TG: variants seen among roughly 807,000 people sequenced by gnomAD.
The protein encoded by TG is thyroglobulin.
A neutral mutation model predicts 324.7 loss-of-function variants in TG; 270 were observed. The ratio of observed to expected loss-of-function variants is 0.83; its 90% CI spans 0.75 to 0.92. The LOEUF is 0.92. Among genes scored for constraint, TG ranks in the 40% least tolerant of loss-of-function variants. The pLI is 0.00. For synonymous variants in TG, 1,401 were observed against 1,327.0 expected, an observed-to-expected ratio of 1.06 and a Z score of -1.21; for missense variants, 3,591 against 3,456.4, an observed-to-expected ratio of 1.04 and a Z score of -0.98.
Position 132,913,057 on chromosome 8 carries a change from G to C in TG, c.4170G>C (p.Leu1390Phe), listed in dbSNP as rs776998417. The change falls in exon 20 of 48, where the codon TTG becomes TTC. Residue 1390 changes from leucine (L) to phenylalanine (F), a missense_variant. By Grantham distance (22) the Leu-to-Phe change is conservative. Transcript: ENST00000220616. The part of the protein sequence containing the change: ...LPDLHDIERA[L>F]VGKDLLGRFT... ...TCCTGTGTCTTACAGAGAGAGCCTT[G>C]GTGGGCAAGGATCTCCTTGGGCGCT... 12 of 1,613,994 alleles carry C rather than the reference G, an allele frequency of 7.4e-6. No individual in the cohort carries two copies. Among genetic ancestry groups the C allele is most frequent in the South Asian group, 2.2e-5 (2 of 91,066 alleles).
intron 41 of TG, among the ~76,000 whole-genome samples, chr8:133,065,361 C>T (rs1842900137): frequency 6.6e-6 from 1 of 152,242 alleles, no homozygotes. Context: ...GTCTGCCTGG[C>T]TCTAAAACCT....
At chr8:132,988,102 A>ACACACACG (rs1831819105) in intron 35 of TG, among the ~76,000 whole-genome samples, 1 of 149,184 alleles carries the variant, frequency 6.7e-6, no homozygotes, top group African/African-American at 2.5e-5. Flanking sequence ...ACACACACAC[A>ACACACACG]CGAAATGAAG....
At chr8:132,934,151 G>C (rs889456993) in intron 24 of TG, among the ~76,000 whole-genome samples, 3 of 152,136 alleles carry the variant, frequency 2.0e-5, no homozygotes, top group African/African-American at 7.2e-5. Context: ...TGGCCAACAT[G>C]GAGAAACCCT....
chr8:133,124,038 C>T (rs1241953500), intron 45 of TG, among the ~76,000 whole-genome samples: 1 of 152,222 alleles, frequency 6.6e-6, no homozygotes, highest in Non-Finnish European at 1.5e-5. Flanking sequence ...TGGAGATCAA[C>T]AGGTCCTTAG....
chr8:133,089,923 C>T (rs1465091864), intron 41 of TG: 2 of 152,166 alleles, frequency 1.3e-5, no homozygotes, highest in Admixed American at 6.5e-5. Flanking sequence ...TCTGGGCCAC[C>T]CTAGTGCCCA....
At chr8:133,036,406 T>C (rs1305442181) in intron 41 of TG, among the ~76,000 whole-genome samples, 1 of 152,196 alleles carries the variant, frequency 6.6e-6, no homozygotes, top group Admixed American at 6.5e-5. Flanking sequence ...AAGAAATTCT[T>C]GGAAGAACAA....
chr8:133,042,429 G>C (rs1358755114), intron 41 of TG, among the ~76,000 whole-genome samples: 1 of 151,740 alleles, frequency 6.6e-6, no homozygotes, highest in East Asian at 1.9e-4. Context: ...CATGCACTCT[G>C]TTCTCTCAGT....
At chr8:133,101,472 G>A (rs575449268) in intron 43 of TG, among the ~76,000 whole-genome samples, 3 of 152,294 alleles carry the variant, frequency 2.0e-5, no homozygotes, top group East Asian at 1.9e-4. Context: ...GGCAGGTTCT[G>A]GAGGGCCTCA....
At position 132,969,580 on chromosome 8, in the gene TG, TGTGTCTC is replaced by T; in HGVS notation, c.5975+12_5975+18del. 1 of 1,481,164 alleles carries T rather than the reference TGTGTCTC, an allele frequency of 6.8e-7. No homozygotes were observed. The highest frequency in any genetic ancestry group is 9.4e-7 in the Non-Finnish European group (1 of 1,058,986). 91.8% of individuals were successfully genotyped at this position (1,481,164 alleles called of 1,614,324 possible). ...ATCTATTTCTAATGGGTAAGCTACT[TGTGTCTC>T]ACCCCTAATGTTTATTATGAATAAT... On this transcript the variant is annotated intron_variant, in intron 32 of 47. Coordinates refer to ENST00000220616, the MANE Select transcript of TG (RefSeq NM_003235.5).
Position 133,017,778 on chromosome 8 carries a change from G to T in TG, c.6563G>T (p.Gly2188Val), listed in dbSNP as rs746987440. 1 of 1,614,054 alleles carries T rather than the reference G, an allele frequency of 6.2e-7. No individual in the cohort carries two copies. The highest frequency in any genetic ancestry group is 1.1e-5 in the South Asian group (1 of 91,066). Residue 2188 changes from glycine (G) to valine (V), a missense_variant and splice_region_variant, in exon 38 of 48, where the codon GGA (glycine) becomes GTA (valine). Gly to Val is a moderately radical substitution (Grantham distance 109). Coordinates refer to ENST00000220616, the MANE Select transcript of TG (RefSeq NM_003235.5). ...EEATHIYRKP[G>V]ISLLSYEASV... The stretch of plus-strand genomic sequence containing the variant: ...CCCTTTCTCTTCCCTTTCCCAACAG[G>T]AATCTCTCTGCTCAGCTATGAGGCA...
intron 15 of TG, 40 bp from the exon 16 acceptor site, chr8:132,901,313 G>A: frequency 1.2e-6 from 2 of 1,610,998 alleles, no homozygotes; most frequent in Non-Finnish European, 1.7e-6. Context: ...CAGGGAGTGG[G>A]CACTGATTCC....
intron 41 of TG, among the ~76,000 whole-genome samples, chr8:133,056,981 G>T (rs973678260): frequency 1.3e-5 from 2 of 152,176 alleles, no homozygotes; most frequent in Non-Finnish European, 2.9e-5. Context: ...CTGCATTTCA[G>T]TTACTTCCCA....
intron 10 of TG, among the ~76,000 whole-genome samples, chr8:132,893,005 G>A (rs771784765): frequency 2.8e-5 from 4 of 143,454 alleles, no homozygotes; most frequent in African/African-American, 1.1e-4. Context: ...TGTGTATGTG[G>A]GTGGTGTGTG....
intron 5 of TG, among the ~76,000 whole-genome samples, chr8:132,874,695 A>G (rs536203895): frequency 1.3e-5 from 2 of 152,352 alleles, no homozygotes; most frequent in South Asian, 2.1e-4. Flanking sequence ...GGAAACTTTT[A>G]TTAGGTTGAA....
chr8:132,958,787 A>G (rs1029401261), intron 27 of TG, among the ~76,000 whole-genome samples: 3 of 152,222 alleles, frequency 2.0e-5, no homozygotes, highest in African/African-American at 7.2e-5. Flanking sequence ...GAGCTTTGAA[A>G]TAAGCAAATG....
chr8:132,884,161 A>G (rs546216953), intron 8 of TG, among the ~76,000 whole-genome samples: 38 of 152,238 alleles, frequency 2.5e-4, no homozygotes, highest in African/African-American at 9.1e-4. Flanking sequence ...ATCTTAACTA[A>G]TCCCATCTAC....
intron 42 of TG, among the ~76,000 whole-genome samples, 157 bp downstream of exon 42, chr8:133,095,365 T>A (rs539287686): frequency 1.3e-5 from 2 of 152,334 alleles, no homozygotes; most frequent in Admixed American, 6.5e-5. Context: ...CCCCTAGAGC[T>A]GTGCATGCGC....
chr8:133,086,449 ATTC>A (rs1000307885), intron 41 of TG, among the ~76,000 whole-genome samples: 2 of 152,238 alleles, frequency 1.3e-5, no homozygotes, highest in African/African-American at 4.8e-5. Flanking sequence ...CAACAAAAAT[ATTC>A]TTCTTTAATA....
chr8:133,088,065 G>C (rs1846888497), intron 41 of TG, among the ~76,000 whole-genome samples: 1 of 152,200 alleles, frequency 6.6e-6, no homozygotes, highest in Non-Finnish European at 1.5e-5. Context: ...GATGGTAGTG[G>C]GAGTTTAAAG....
Sources: gnomAD v4.1 joint callset for allele counts (sites outside exome capture counted in the v4.1 genomes callset) on GRCh38, gnomAD v4.1.1 for gene constraint, MANE v1.5 for transcripts, NCBI Gene and HGNC (gene_info 2026-07-23, HGNC 2026-07-21) for gene names.